WWC1: variants seen among roughly 807,000 people sequenced by gnomAD.
WWC1 encodes WW and C2 domain containing 1, also known as protein KIBRA.
A neutral mutation model predicts 138.4 loss-of-function variants in WWC1; 55 were observed. The ratio of observed to expected loss-of-function variants is 0.40; its 90% CI spans 0.32 to 0.50. The LOEUF (loss-of-function observed/expected upper bound fraction) is 0.50, where lower values mean the gene tolerates loss of function less well. Ranked by LOEUF, WWC1 falls within the 20% of genes least tolerant of loss-of-function variation. The probability of loss-of-function intolerance (pLI) is 0.72; values close to 1 mark genes in which losing one functional copy is unlikely to be tolerated. For missense variants in WWC1, 1,226 were observed against 1,420.4 expected, an observed-to-expected ratio of 0.86 and a Z score of 2.20; for synonymous variants, 524 against 564.9, an observed-to-expected ratio of 0.93 and a Z score of 1.03.
intron 8 of WWC1, 65 bp from the exon 9 acceptor site, chr5:168,414,283 A>C (rs1366374043): frequency 1.9e-6 from 3 of 1,567,248 alleles, no homozygotes; most frequent in Middle Eastern, 1.9e-4. Flanking sequence ...CTGTTTCTTC[A>C]TGGCATCTCC....
At chr5:168,346,978 G>A (rs969760062) in intron 1 of WWC1, among the ~76,000 whole-genome samples, 4 of 152,158 alleles carry the variant, frequency 2.6e-5, no homozygotes, top group African/African-American at 9.7e-5. Context: ...GAAGAGCTGA[G>A]CAGGGGAGGA....
intron 17 of WWC1, among the ~76,000 whole-genome samples, chr5:168,453,300 C>A (rs1755997527): frequency 6.6e-6 from 1 of 151,998 alleles, no homozygotes; most frequent in Admixed American, 6.6e-5. Flanking sequence ...TATGCAGACA[C>A]AGAGAAGTCA....
rs1469590594 is a variant in WWC1, at chr5:168,351,623, C to A, written c.120-19801C>A. On this transcript the variant is annotated intron_variant, in intron 1 of 22. Coordinates refer to ENST00000265293, the MANE Select transcript of WWC1 (RefSeq NM_015238.3). ...CTCTCCTGGGGCCTGGCAAAGGCTG[C>A]AGGTGGGAGACAGTGTTTGCAGCAG... 2.0e-5 allele frequency among the ~76,000 whole-genome samples: 3 copies of A among 152,142 alleles called. No individual in the cohort carries two copies. The East Asian group carries it at 5.8e-4, about 29-fold the overall frequency.
intron 1 of WWC1, among the ~76,000 whole-genome samples, chr5:168,333,422 C>T (rs1166932677): frequency 1.3e-5 from 2 of 152,208 alleles, no homozygotes; most frequent in Non-Finnish European, 2.9e-5. Flanking sequence ...CCTTGACCGT[C>T]TCTTCATACC....
In WWC1 at chr5:168,395,464, A is replaced by G. The variant is rs55930605; in HGVS notation, c.434-2260A>G. 9.3e-3 allele frequency among the ~76,000 whole-genome samples: 1,419 copies of G among 152,304 alleles called. 26 individuals carry two copies. The highest frequency in any genetic ancestry group is 0.032 in the African/African-American group (1,344 of 41,548). Reference sequence around the variant, plus strand: ...TTTGTTGAAAGGACCTATTTGGGAAATACAGCAGGTCCTCAAATAACATCA... The same window carrying G: ...TTTGTTGAAAGGACCTATTTGGGAAGTACAGCAGGTCCTCAAATAACATCA... On this transcript the variant is annotated intron_variant, in intron 3 of 22. Coordinates refer to ENST00000265293, the MANE Select transcript of WWC1 (RefSeq NM_015238.3).
intron 2 of WWC1, among the ~76,000 whole-genome samples, chr5:168,384,582 A>T (rs933647707): frequency 6.6e-6 from 1 of 152,028 alleles, no homozygotes; most frequent in African/African-American, 2.4e-5. Context: ...TTTAGTCTTC[A>T]CCAAAGGAGA....
At chr5:168,455,298 G>C in intron 18 of WWC1, 58 bp from the exon 19 acceptor site, 4 of 1,518,378 alleles carry the variant, frequency 2.6e-6, no homozygotes, top group Non-Finnish European at 2.6e-6. Flanking sequence ...AGTGGTCTCT[G>C]GTGGGTGGCT....
At chr5:168,441,552 C>A in intron 15 of WWC1, 130 bp from the exon 16 acceptor site, 1 of 846,954 alleles carries the variant, frequency 1.2e-6, no homozygotes, top group Non-Finnish European at 1.8e-6. Context: ...CTTGGCCTCT[C>A]TTCCTGCCGG....
chr5:168,452,102 T>A (rs557274901), intron 17 of WWC1, among the ~76,000 whole-genome samples: 1 of 152,116 alleles, frequency 6.6e-6, no homozygotes, highest in Non-Finnish European at 1.5e-5. Context: ...GACAAGGTTT[T>A]ACCACATTGG....
At chr5:168,333,348 G>T (rs151308260) in intron 1 of WWC1, among the ~76,000 whole-genome samples, 1 of 152,226 alleles carries the variant, frequency 6.6e-6, no homozygotes, top group African/African-American at 2.4e-5. Flanking sequence ...CCCTTCGGGA[G>T]CTGGGAGTGG....
chr5:168,451,663 C>G (rs183693916), intron 17 of WWC1, among the ~76,000 whole-genome samples: 5 of 152,220 alleles, frequency 3.3e-5, no homozygotes, highest in African/African-American at 1.2e-4. Flanking sequence ...TATGATCACA[C>G]CATGGCACTC....
chr5:168,384,943 C>A (rs1041890147), intron 2 of WWC1, among the ~76,000 whole-genome samples: 1 of 152,066 alleles, frequency 6.6e-6, no homozygotes, highest in Non-Finnish European at 1.5e-5. Context: ...TCTCAAGCTC[C>A]TTGACCTCAA....
chr5:168,317,339 T>C (rs1411771250), intron 1 of WWC1, among the ~76,000 whole-genome samples: 1 of 152,170 alleles, frequency 6.6e-6, no homozygotes, highest in African/African-American at 2.4e-5. Flanking sequence ...TTAGTTAAGC[T>C]CTCGCACTCT....
chr5:168,456,086 G>A (rs1283960967), intron 19 of WWC1, among the ~76,000 whole-genome samples: 1 of 151,906 alleles, frequency 6.6e-6, no homozygotes, highest in Non-Finnish European at 1.5e-5. Flanking sequence ...GGTCACTTGA[G>A]GCCAGGAGTT....
intron 3 of WWC1, among the ~76,000 whole-genome samples, chr5:168,395,647 C>T (rs10051783): frequency 0.16 from 24,430 of 152,132 alleles, 2,043 homozygotes; most frequent in Middle Eastern, 0.22. Flanking sequence ...GAGATGAAAA[C>T]TTTAAATTGG....
At chr5:168,388,840 A>G (rs905810084) in intron 3 of WWC1, among the ~76,000 whole-genome samples, 4 of 151,818 alleles carry the variant, frequency 2.6e-5, no homozygotes, top group Non-Finnish European at 5.9e-5. Flanking sequence ...AAAAAAAAAA[A>G]CAAAAAACAA....
chr5:168,340,035 C>CTTTCTTT (rs1773911784), intron 1 of WWC1, among the ~76,000 whole-genome samples: 2 of 138,320 alleles, frequency 1.4e-5, no homozygotes, highest in Non-Finnish European at 3.1e-5. Context: ...TCCTTTCTTT[C>CTTTCTTT]CTTTCTTTTC....
chr5:168,332,481 A>G (rs1187783762), intron 1 of WWC1, among the ~76,000 whole-genome samples: 1 of 152,204 alleles, frequency 6.6e-6, no homozygotes, highest in African/African-American at 2.4e-5. Context: ...GTAATGAAGT[A>G]GAATATGTGT....
chr5:168,383,717 A>G (rs1777825150), intron 2 of WWC1, among the ~76,000 whole-genome samples: 1 of 152,232 alleles, frequency 6.6e-6, no homozygotes, highest in Non-Finnish European at 1.5e-5. Context: ...CCAGTAATCA[A>G]TTCAGAAGCA....
Sources: allele counts gnomAD v4.1 joint callset (sites outside exome capture counted in the v4.1 genomes callset), GRCh38; gene constraint gnomAD v4.1.1; transcripts MANE v1.5; gene names NCBI Gene and HGNC (gene_info 2026-07-23, HGNC 2026-07-21).